Variants in CFAP92 observed in about 807,000 individuals in gnomAD.
CFAP92 encodes the protein cilia and flagella associated protein 92 (putative).
Under a neutral mutation model 106.3 loss-of-function variants are expected in CFAP92, and 86 were observed. That is an observed-to-expected ratio of 0.81 (90% CI 0.68 to 0.97). CFAP92 has a LOEUF of 0.97. Ranked by LOEUF, CFAP92 falls within the 50% of genes least tolerant of loss-of-function variation. CFAP92 has a pLI of 0.00. For synonymous variants in CFAP92, 477 were observed against 506.4 expected (o/e 0.94, Z 0.78); for missense variants, 1,204 against 1,283.8 (o/e 0.94, Z 0.95).
intron 9 of CFAP92, among the ~76,000 whole-genome samples, chr3:128,958,274 G>T (rs139507710): frequency 6.6e-6 from 1 of 152,204 alleles, no homozygotes; most frequent in Non-Finnish European, 1.5e-5. Flanking sequence ...GCAAATTAGT[G>T]GTTAGGGATG....
At chr3:129,003,910 TG>T, upstream of CFAP92, 1 of 1,351,874 alleles carries the variant, frequency 7.4e-7, no homozygotes, top group Non-Finnish European at 9.5e-7. Context: ...AGGCCCGCGC[TG>T]GGCGGCTGCG....
In CFAP92 at chr3:128,975,823, G is replaced by GATTC; in HGVS notation, c.973_976dup (p.Ser326Ter). Reference sequence around the variant, plus strand: ...TAATATGTTTGTTAAGCTGCTAAGTGATTCACTCTCAATTAATTCCTTGAT... The same window carrying GATTC: ...TAATATGTTTGTTAAGCTGCTAAGTGATTCATTCACTCTCAATTAATTCCTTGAT... On this transcript the variant is annotated stop_gained and frameshift_variant, in exon 7 of 16. Transcript: ENST00000645291. LOFTEE classifies it high-confidence loss of function. 6.2e-7 allele frequency: 1 copy of GATTC among 1,607,664 alleles called. No individual in the cohort carries two copies. Among genetic ancestry groups the GATTC allele is most frequent in the Non-Finnish European group, 8.5e-7 (1 of 1,176,756 alleles).
At chr3:128,997,395 A>C (rs886963174), upstream of CFAP92, among the ~76,000 whole-genome samples, 1 of 152,240 alleles carries the variant, frequency 6.6e-6, no homozygotes, top group Non-Finnish European at 1.5e-5. Flanking sequence ...CTAGTGCTGT[A>C]ATCATCATCA....
intron 4 of CFAP92, among the ~76,000 whole-genome samples, chr3:128,979,625 G>A (rs894528091): frequency 6.6e-6 from 1 of 152,142 alleles, no homozygotes; most frequent in Non-Finnish European, 1.5e-5. Context: ...CATAAAAAAG[G>A]ATGAGTTCAT....
At chr3:128,983,631 G>A (rs1157227903) in intron 4 of CFAP92, among the ~76,000 whole-genome samples, 3 of 152,178 alleles carry the variant, frequency 2.0e-5, no homozygotes, top group Non-Finnish European at 2.9e-5. Context: ...CAAGAAAGAA[G>A]TGGAAAAAAG....
intron 12 of CFAP92, among the ~76,000 whole-genome samples, chr3:128,931,573 T>C (rs998125295): frequency 5.3e-5 from 8 of 149,776 alleles, no homozygotes; most frequent in African/African-American, 2.0e-4. Context: ...ATGAATGAAA[T>C]AGCCAACTAG....
intron 9 of CFAP92, among the ~76,000 whole-genome samples, chr3:128,956,814 T>C (rs1269992564): frequency 6.6e-6 from 1 of 151,780 alleles, no homozygotes; most frequent in Non-Finnish European, 1.5e-5. Flanking sequence ...ATTCTGTCTC[T>C]ACTAAAAATA....
intron 8 of CFAP92, chr3:128,968,153 C>T (rs181206171): frequency 6.6e-5 from 10 of 152,258 alleles, no homozygotes; most frequent in Admixed American, 3.3e-4. Context: ...GGAAATGAGG[C>T]CCAGAGTTCT....
Position 128,962,878 on chromosome 3 carries a change from G to A in CFAP92, c.1353+2633C>T, listed in dbSNP as rs540456433. Among the ~76,000 whole-genome samples, 289 of 151,884 alleles carry A rather than the reference G, an allele frequency of 1.9e-3. 3 individuals carry two copies. In the Middle Eastern group the frequency reaches 0.041, roughly 21 times the overall value. On this transcript the variant is annotated intron_variant, in intron 9 of 15. Coordinates refer to ENST00000645291, the MANE Select transcript of CFAP92 (RefSeq NM_001394090.1). Reference sequence around the variant, plus strand: ...CCAAATTGTTTTGCCTATCCACCCCGTGGTGCCAAACCCATATACTCTCCT... The same window carrying A: ...CCAAATTGTTTTGCCTATCCACCCCATGGTGCCAAACCCATATACTCTCCT...
intron 4 of CFAP92, among the ~76,000 whole-genome samples, chr3:128,981,711 G>C (rs1943547938): frequency 6.6e-6 from 1 of 152,166 alleles, no homozygotes; most frequent in African/African-American, 2.4e-5. Context: ...TATGAAATGT[G>C]GCTTTTAGAT....
upstream of CFAP92, among the ~76,000 whole-genome samples, chr3:128,995,266 A>G (rs964315283): frequency 6.6e-6 from 1 of 152,224 alleles, no homozygotes; most frequent in Non-Finnish European, 1.5e-5. Context: ...AGGGCATGGG[A>G]CAGCCCCTTT....
At chr3:128,961,929 A>G (rs1941955420) in intron 9 of CFAP92, among the ~76,000 whole-genome samples, 1 of 152,198 alleles carries the variant, frequency 6.6e-6, no homozygotes, top group Non-Finnish European at 1.5e-5. Flanking sequence ...CAAACGCCTG[A>G]ACCGCAGTGG....
chr3:128,932,068 T>C (rs550080096), intron 12 of CFAP92, among the ~76,000 whole-genome samples: 7 of 152,240 alleles, frequency 4.6e-5, no homozygotes, highest in East Asian at 3.9e-4. Flanking sequence ...ACTGCACACA[T>C]ACAAAGCTTA....
At chr3:128,950,977 A>G (rs1940722670) in intron 9 of CFAP92, among the ~76,000 whole-genome samples, 2 of 152,212 alleles carry the variant, frequency 1.3e-5, no homozygotes, top group Non-Finnish European at 2.9e-5. Flanking sequence ...CTCTGCAAAC[A>G]GGACTTTTTA....
chr3:128,959,609 T>C (rs939731734), intron 9 of CFAP92, among the ~76,000 whole-genome samples: 6 of 152,150 alleles, frequency 3.9e-5, no homozygotes, highest in Non-Finnish European at 8.8e-5. Context: ...GTGCTGAACC[T>C]GGTTGGTTCA....
chr3:129,013,373 C>A, the CFAP92 span, among the ~76,000 whole-genome samples: 1 of 152,128 alleles, frequency 6.6e-6, no homozygotes. Flanking sequence ...AAAGTAGGAA[C>A]GGCACTTATT....
chr3:128,963,105 A>G (rs1942074857), intron 9 of CFAP92, among the ~76,000 whole-genome samples: 1 of 152,122 alleles, frequency 6.6e-6, no homozygotes, highest in Non-Finnish European at 1.5e-5. Context: ...GTCAAGCCCA[A>G]ATTTCGTCCT....
At chr3:128,933,491 TGCAGTGG>T (rs1938634586) in intron 11 of CFAP92, among the ~76,000 whole-genome samples, 1 of 152,152 alleles carries the variant, frequency 6.6e-6, no homozygotes, top group Non-Finnish European at 1.5e-5. Context: ...TGGCCTGGTG[TGCAGTGG>T]GCATTGGGTC....
intron 8 of CFAP92, chr3:128,966,786 G>C (rs1432164054): frequency 4.6e-5 from 7 of 152,154 alleles, no homozygotes; most frequent in Non-Finnish European, 7.3e-5. Context: ...TAGCCAGGCT[G>C]TTCTCGATCT....
Sources: allele counts gnomAD v4.1 joint callset (sites outside exome capture counted in the v4.1 genomes callset), GRCh38; gene constraint gnomAD v4.1.1; transcripts MANE v1.5; gene names NCBI Gene and HGNC (gene_info 2026-07-23, HGNC 2026-07-21).